The following CSNK1E variants were observed in gnomAD, a reference collection of about 807,000 sequenced individuals.
The protein encoded by CSNK1E is casein kinase I isoform epsilon.
CSNK1E carries 17 observed loss-of-function variants against 46.1 expected under a neutral mutation model. That is an observed-to-expected ratio of 0.37 (90% CI 0.25 to 0.55). CSNK1E has a LOEUF of 0.55. Among genes scored for constraint, CSNK1E ranks in the 20% least tolerant of loss-of-function variants. The pLI is 0.82. For missense variants in CSNK1E, 386 were observed against 595.4 expected (o/e 0.65, Z 3.66); for synonymous variants, 241 against 242.6 (o/e 0.99, Z 0.06).
chr22:38,298,151 C>T lies in CSNK1E; in HGVS notation c.885+635G>A, dbSNP rs993130557. 1.2e-5 allele frequency: 16 copies of T among 1,299,654 alleles called. No individual in the cohort carries two copies. Among genetic ancestry groups the T allele is most frequent in the African/African-American group, 3.0e-5 (2 of 65,790 alleles). 80.5% of individuals were successfully genotyped at this position (1,299,654 alleles called of 1,614,324 possible). ...GGGACAGGGGCGGGGACAGAAAGGTCCCTTCGCTGTCATGGGGCTGTCACG... is the reference window on the plus strand; with the variant it reads ...GGGACAGGGGCGGGGACAGAAAGGTTCCTTCGCTGTCATGGGGCTGTCACG... On this transcript the variant is annotated intron_variant, in intron 7 of 10. Coordinates refer to ENST00000396832, the MANE Select transcript of CSNK1E (RefSeq NM_152221.3). This position sits in a 1 kb window ranked among gnomAD's most constrained non-coding sequence, Gnocchi z 4.2.
intron 7 of CSNK1E, chr22:38,297,214 C>T (rs7287771): frequency 0.017 from 12,976 of 760,182 alleles, 712 homozygotes; most frequent in African/African-American, 0.14. Context: ...AAGCCCATCA[C>T]GAACCAGACG....
rs750468347 is a variant in CSNK1E at position 38,294,089 on chromosome 22, C to T, written c.1218+20G>A. ...AACTCAGTTCTGAGGCCCAGAGGGA[C>T]TGGCAGGGGGGCAGCTCACCTGTGA... On this transcript the variant is annotated intron_variant, in intron 9 of 10. Transcript: ENST00000396832. The surrounding 1 kb of genome is among the most constrained non-coding windows in gnomAD (Gnocchi z 5.5). 5.5e-5 allele frequency: 89 copies of T among 1,605,684 alleles called. 2 individuals carry two copies. In the South Asian group the frequency reaches 9.6e-4, roughly 17 times the overall value.
At position 38,300,941 on chromosome 22, in the gene CSNK1E, G is replaced by A. The variant is rs148776215; in HGVS notation, c.348C>T (p.Ile116=). The stretch of plus-strand genomic sequence containing the variant: ...TGAAGTTCTTGGAGTGGATATACTC[G>A]ATGCGGCTGATCTGGGGAGGAGGGG... ...LLLADQMISR[I]EYIHSKNFIH... Residue 116 remains isoleucine (I), a synonymous_variant, in exon 5 of 11, where the codon ATC becomes ATT. Coordinates refer to ENST00000396832, the MANE Select transcript of CSNK1E (RefSeq NM_152221.3). The surrounding 1 kb of genome is among the most constrained non-coding windows in gnomAD (Gnocchi z 4.4). 5.6e-6 allele frequency: 9 copies of A among 1,613,932 alleles called. No individual in the cohort carries two copies. The African/African-American group carries it at 6.7e-5, about 12-fold the overall frequency.
In CSNK1E at chr22:38,317,345, TCTC is replaced by T. The variant is rs1259412575; in HGVS notation, c.-201_-199del. The T allele has an allele frequency of 1.6e-5, 2 of 124,376 alleles. No individual in the cohort carries two copies. Among genetic ancestry groups the T allele is most frequent in the Non-Finnish European group, 3.3e-5 (2 of 60,892 alleles). 7.7% of individuals were successfully genotyped at this position (124,376 alleles called of 1,614,324 possible). A position where few individuals can be genotyped will look rare whatever the true frequency, so the allele number is the denominator to read the frequency against. On this transcript the variant is annotated 5_prime_UTR_variant, in exon 1 of 11. Transcript: ENST00000396832. ...CCCCGGCCGGGCTCTGGCTCTGGGC[TCTC>T]GCCGCCGCCGCCGCCGCCGCCGCCG...
chr22:38,313,942 T>C (rs543864826), intron 2 of CSNK1E, 140 bp downstream of exon 2: 4 of 739,624 alleles, frequency 5.4e-6, no homozygotes, highest in South Asian at 3.5e-5. Context: ...GCTGCTTCCT[T>C]CCCCATCTGG....
intron 9 of CSNK1E, chr22:38,293,790 T>G: frequency 2.3e-6 from 1 of 434,176 alleles, no homozygotes. Context: ...GGCTCCCTGA[T>G]GTCAGGGAGC....
At chr22:38,310,466 C>A (rs368061473) in intron 2 of CSNK1E, among the ~76,000 whole-genome samples, 1 of 152,184 alleles carries the variant, frequency 6.6e-6, no homozygotes, top group South Asian at 2.1e-4. Context: ...GCCCACCGTC[C>A]CGGCAGCAGC....
In CSNK1E at chr22:38,298,001, G is replaced by C. The variant is rs977288091; in HGVS notation, c.885+785C>G. On this transcript the variant is annotated intron_variant, in intron 7 of 10. Transcript: ENST00000396832. This position sits in a 1 kb window ranked among gnomAD's most constrained non-coding sequence, Gnocchi z 4.2. ...GGGTGCCCAGGGGAGCCGGGCACCT[G>C]AAAGGGACAAAAAGCACAGCTGAGG... 15 of 1,139,666 alleles carry C rather than the reference G, an allele frequency of 1.3e-5. No individual in the cohort carries two copies. Among genetic ancestry groups the C allele is most frequent in the Admixed American group, 4.6e-5 (1 of 21,598 alleles). 70.6% of individuals were successfully genotyped at this position (1,139,666 alleles called of 1,614,324 possible). A position where few individuals can be genotyped will look rare whatever the true frequency, so the allele number is the denominator to read the frequency against.
intron 9 of CSNK1E, 148 bp downstream of exon 9, chr22:38,293,961 A>T: frequency 1.1e-6 from 1 of 932,992 alleles, no homozygotes; most frequent in Non-Finnish European, 1.6e-6. Flanking sequence ...GGATTAAATG[A>T]GGCCAAGTCC....
chr22:38,311,642 C>A (rs1038362409), intron 2 of CSNK1E, among the ~76,000 whole-genome samples: 1 of 152,122 alleles, frequency 6.6e-6, no homozygotes, highest in Non-Finnish European at 1.5e-5. Flanking sequence ...TCCTTTACAC[C>A]CACTCCAATT....
At position 38,300,897 on chromosome 22, in the gene CSNK1E, G is replaced by C. The variant is rs1169754176; in HGVS notation, c.392C>G (p.Pro131Arg). 1 of 1,614,216 alleles carries C rather than the reference G, an allele frequency of 6.2e-7. No homozygotes were observed. Among genetic ancestry groups the C allele is most frequent in the Non-Finnish European group, 8.5e-7 (1 of 1,180,036 alleles). Residue 131 changes from proline (P) to arginine (R), a missense_variant, in exon 5 of 11, where the codon CCC becomes CGC. Physicochemically the swap from Pro to Arg is moderately radical, Grantham distance 103 (BLOSUM62 -2). This residue lies in a region of CSNK1E where 212 missense variants were observed against 410.2 expected (regional missense o/e 0.52). Transcript: ENST00000396832. This position sits in a 1 kb window ranked among gnomAD's most constrained non-coding sequence, Gnocchi z 4.4. ...SKNFIHRDVKPDNFLMGLGKK... is the reference protein window; with the variant it reads ...SKNFIHRDVKRDNFLMGLGKK... Reference sequence around the variant, plus strand: ...CCCCAGCCCCATGAGGAAGTTGTCGGGCTTGACGTCCCGGTGGATGAAGTT... The same window carrying C: ...CCCCAGCCCCATGAGGAAGTTGTCGCGCTTGACGTCCCGGTGGATGAAGTT...
At chr22:38,305,499 C>T (rs1360101181) in intron 2 of CSNK1E, among the ~76,000 whole-genome samples, 2 of 142,164 alleles carry the variant, frequency 1.4e-5, no homozygotes, top group Non-Finnish European at 3.0e-5. Flanking sequence ...GGCAAAAACA[C>T]CGGAAATAAA....
At chr22:38,310,058 A>T (rs1330707493) in intron 2 of CSNK1E, among the ~76,000 whole-genome samples, 1 of 152,210 alleles carries the variant, frequency 6.6e-6, no homozygotes, top group African/African-American at 2.4e-5. Context: ...ACAGAACTGG[A>T]TGGGGCACAG....
intron 4 of CSNK1E, among the ~76,000 whole-genome samples, 197 bp from the exon 5 acceptor site, chr22:38,301,149 A>C (rs531616313): frequency 6.6e-6 from 1 of 152,356 alleles, no homozygotes; most frequent in South Asian, 2.1e-4. Flanking sequence ...GGGGGAGTTC[A>C]CCAAGTTGGC....
intron 4 of CSNK1E, 110 bp from the exon 5 acceptor site, chr22:38,301,062 C>A: frequency 1.1e-6 from 1 of 876,024 alleles, no homozygotes; most frequent in Non-Finnish European, 1.8e-6. Flanking sequence ...AAAGGCCTGC[C>A]TTCGACCATG....
At chr22:38,295,344 G>A (rs1375335036) in intron 7 of CSNK1E, 1 of 853,696 alleles carries the variant, frequency 1.2e-6, no homozygotes, top group Non-Finnish European at 1.4e-6. Flanking sequence ...GTGAGAAGGG[G>A]CCAGAGAAGA....
At chr22:38,314,234 CA>C in intron 1 of CSNK1E, 65 bp from the exon 2 acceptor site, 1 of 1,292,768 alleles carries the variant, frequency 7.7e-7, no homozygotes, top group South Asian at 1.2e-5. Context: ...TCCAGTCCAC[CA>C]AGGCCAGGCA....
chr22:38,295,386 CCT>C, intron 7 of CSNK1E: 1 of 984,168 alleles, frequency 1.0e-6, no homozygotes, highest in East Asian at 1.1e-4. Context: ...GACTGCGTTA[CCT>C]AGTTCATCCT....
In CSNK1E at chr22:38,300,964, G is replaced by C; in HGVS notation, c.337-12C>G. On this transcript the variant is annotated splice_polypyrimidine_tract_variant and intron_variant, in intron 4 of 10. Transcript: ENST00000396832. The surrounding 1 kb of genome is among the most constrained non-coding windows in gnomAD (Gnocchi z 4.4). ...TCGATGCGGCTGATCTGGGGAGGAG[G>C]GGGGCCATTTGTTCAACAGAGGGGC... 1 of 1,612,350 alleles carries C rather than the reference G, an allele frequency of 6.2e-7. No homozygotes were observed. Among genetic ancestry groups the C allele is most frequent in the South Asian group, 1.1e-5 (1 of 91,034 alleles).
Sources: allele counts gnomAD v4.1 joint callset (sites outside exome capture counted in the v4.1 genomes callset), GRCh38; gene constraint gnomAD v4.1.1; regional missense constraint gnomAD v4.1.1; non-coding constraint Gnocchi (gnomAD v3.1); transcripts MANE v1.5; gene names NCBI Gene and HGNC (gene_info 2026-07-23, HGNC 2026-07-21).